The following MTCL1 variants were observed in gnomAD, a reference collection of about 807,000 sequenced individuals.
MTCL1 encodes the protein microtubule cross-linking factor 1.
Under a neutral mutation model 141.4 loss-of-function variants are expected in MTCL1, and 79 were observed. That is an observed-to-expected ratio of 0.56 (90% CI 0.47 to 0.67). The LOEUF is 0.67. Ranked by LOEUF, MTCL1 falls within the 30% of genes least tolerant of loss-of-function variation. MTCL1 has a pLI of 0.00. For synonymous variants in MTCL1, 914 were observed against 875.8 expected (o/e 1.04, Z -0.77); for missense variants, 2,177 against 2,113.9 (o/e 1.03, Z -0.59).
At chr18:8,725,386 A>T (rs184366859) in intron 4 of MTCL1, among the ~76,000 whole-genome samples, 1 of 152,292 alleles carries the variant, frequency 6.6e-6, no homozygotes, top group Admixed American at 6.5e-5. Flanking sequence ...CTTGAGACGA[A>T]TGTGTTTTGG....
intron 4 of MTCL1, among the ~76,000 whole-genome samples, chr18:8,777,514 C>CT (rs1469449577): frequency 1.3e-5 from 2 of 152,200 alleles, no homozygotes; most frequent in Non-Finnish European, 2.9e-5. Context: ...TTCTTCTTGC[C>CT]TTCTCTGCAC....
At chr18:8,825,302 C>T (rs2076985609) in exon 15 of MTCL1, 2 of 1,541,838 alleles carry the variant, frequency 1.3e-6, no homozygotes, top group African/African-American at 1.4e-5. Flanking sequence ...TCTGTACCTC[C>T]CTGGGGTTTG....
exon 8 of MTCL1, chr18:8,793,024 G>T: frequency 6.2e-7 from 1 of 1,614,100 alleles, no homozygotes; most frequent in Non-Finnish European, 8.5e-7. Flanking sequence ...TTTTACCTGA[G>T]CAGAGTGTAT....
At chr18:8,740,365 A>G (rs548419127) in intron 4 of MTCL1, among the ~76,000 whole-genome samples, 20 of 152,118 alleles carry the variant, frequency 1.3e-4, no homozygotes, top group Middle Eastern at 3.4e-3. Context: ...ATGGCCAAAC[A>G]TCAGTTTTAT....
chr18:8,784,907 G>T, intron 6 of MTCL1, 64 bp downstream of exon 5: 1 of 1,416,748 alleles, frequency 7.1e-7, no homozygotes. Flanking sequence ...CGCTGGCATT[G>T]CTGCACTCGG....
At chr18:8,720,304 A>G (rs766394259) in intron 3 of MTCL1, 34 bp from the exon 3 acceptor site, 17 of 1,611,564 alleles carry the variant, frequency 1.1e-5, no homozygotes, top group Admixed American at 8.4e-5. Context: ...AAAAAGCCTC[A>G]TATCCTGATA....
chr18:8,739,069 C>T (rs2096288067), intron 4 of MTCL1, among the ~76,000 whole-genome samples: 2 of 152,002 alleles, frequency 1.3e-5, no homozygotes, highest in Admixed American at 6.6e-5. Flanking sequence ...CAAGACCTTG[C>T]GTCTACAAAA....
At chr18:8,713,905 T>C (rs2096109983), upstream of MTCL1, among the ~76,000 whole-genome samples, 1 of 152,198 alleles carries the variant, frequency 6.6e-6, no homozygotes, top group South Asian at 2.1e-4. Flanking sequence ...GCTGCACCAC[T>C]GCGCTCCAGG....
chr18:8,756,541 G>GTATATA (rs2096402436), intron 4 of MTCL1, among the ~76,000 whole-genome samples: 2 of 139,990 alleles, frequency 1.4e-5, no homozygotes, highest in African/African-American at 6.6e-5. Context: ...GTGTATATAT[G>GTATATA]TGTATATATA....
chr18:8,743,817 C>T (rs925762478), intron 4 of MTCL1, among the ~76,000 whole-genome samples: 4 of 152,204 alleles, frequency 2.6e-5, no homozygotes, highest in African/African-American at 7.2e-5. Context: ...CTCCCTTTGC[C>T]GTGTAGCATG....
At chr18:8,721,972 C>T (rs915656543) in intron 4 of MTCL1, among the ~76,000 whole-genome samples, 1 of 152,054 alleles carries the variant, frequency 6.6e-6, no homozygotes, top group African/African-American at 2.4e-5. Flanking sequence ...GATGAGGTGG[C>T]CTCCCAGAGG....
chr18:8,826,660 GACC>G (rs1469658984), intron 15 of MTCL1, among the ~76,000 whole-genome samples: 1 of 152,108 alleles, frequency 6.6e-6, no homozygotes. Context: ...AGAGGGTCTG[GACC>G]ACATGAGCAC....
chr18:8,739,991 A>G (rs989468166), intron 4 of MTCL1, among the ~76,000 whole-genome samples: 6 of 152,198 alleles, frequency 3.9e-5, no homozygotes, highest in African/African-American at 9.7e-5. Flanking sequence ...TTGGCCTCCC[A>G]AAGTGCTGGG....
At chr18:8,768,478 G>T (rs998689062) in intron 4 of MTCL1, among the ~76,000 whole-genome samples, 1 of 152,070 alleles carries the variant, frequency 6.6e-6, no homozygotes, top group African/African-American at 2.4e-5. Flanking sequence ...GGGTCTGTAG[G>T]GTATGTTGGC....
chr18:8,759,603 G>A (rs963567640), intron 4 of MTCL1, among the ~76,000 whole-genome samples: 1 of 152,200 alleles, frequency 6.6e-6, no homozygotes, highest in Non-Finnish European at 1.5e-5. Flanking sequence ...CTTATGGGAA[G>A]AAAACTTTTC....
chr18:8,821,346 C>T (rs766213604), intron 13 of MTCL1, 121 bp from the exon 13 acceptor site: 12 of 639,814 alleles, frequency 1.9e-5, no homozygotes, highest in Middle Eastern at 2.5e-4. Context: ...AGCTTGGCCT[C>T]AGTGCACATT....
intron 8 of MTCL1, among the ~76,000 whole-genome samples, chr18:8,794,572 C>T (rs1213885263): frequency 2.0e-5 from 3 of 152,290 alleles, no homozygotes; most frequent in East Asian, 3.9e-4. Flanking sequence ...AAGGGTCTCA[C>T]GTTACCTTCA....
chr18:8,808,746 C>G (rs1242109149), intron 11 of MTCL1, among the ~76,000 whole-genome samples: 1 of 152,260 alleles, frequency 6.6e-6, no homozygotes, highest in Non-Finnish European at 1.5e-5. Flanking sequence ...TCAGCAGACT[C>G]CTAAGTCAGA....
exon 9 of MTCL1, chr18:8,796,364 A>G: frequency 1.2e-6 from 2 of 1,614,156 alleles, no homozygotes; most frequent in Non-Finnish European, 1.7e-6. Flanking sequence ...CCGGTCCTTG[A>G]AGCAGAACAT....
Sources: gnomAD v4.1 joint callset for allele counts (sites outside exome capture counted in the v4.1 genomes callset) on GRCh38, gnomAD v4.1.1 for gene constraint, MANE v1.5 for transcripts, NCBI Gene and HGNC (gene_info 2026-07-23, HGNC 2026-07-21) for gene names.